The following ZC3H18 variants were observed in gnomAD, a reference collection of about 807,000 sequenced individuals.
ZC3H18 encodes zinc finger CCCH-type containing 18.
Under a neutral mutation model 106.1 loss-of-function variants are expected in ZC3H18, and 8 were observed. That is an observed-to-expected ratio of 0.08 (90% confidence interval 0.04 to 0.14). The LOEUF (loss-of-function observed/expected upper bound fraction) is 0.14. Among genes scored for constraint, ZC3H18 ranks in the 10% least tolerant of loss-of-function variants. The probability of loss-of-function intolerance (pLI) is 1.00; values close to 1 mark genes in which losing one functional copy is unlikely to be tolerated. For missense variants in ZC3H18, 1,318 were observed against 1,278.4 expected, an observed-to-expected ratio of 1.03 and a Z score of -0.47; for synonymous variants, 635 against 522.1, an observed-to-expected ratio of 1.22 and a Z score of -2.95.
intron 2 of ZC3H18, among the ~76,000 whole-genome samples, chr16:88,580,774 C>T (rs983778227): frequency 1.3e-5 from 2 of 152,182 alleles, no homozygotes; most frequent in Non-Finnish European, 2.9e-5. Flanking sequence ...CGCCCGGTCC[C>T]CTTTCCTTTC....
chr16:88,599,743 C>A, intron 5 of ZC3H18, 48 bp from the exon 6 acceptor site: 1 of 1,569,784 alleles, frequency 6.4e-7, no homozygotes. Context: ...CTAACAGCGA[C>A]GCCCGGTATT....
chr16:88,584,465 A>T (rs982470051), intron 2 of ZC3H18, among the ~76,000 whole-genome samples: 1 of 151,954 alleles, frequency 6.6e-6, no homozygotes, highest in Non-Finnish European at 1.5e-5. Context: ...TATTTAAAAG[A>T]CCATTGTGCT....
At chr16:88,594,965 A>AAG in intron 3 of ZC3H18, among the ~76,000 whole-genome samples, 1 of 152,250 alleles carries the variant, frequency 6.6e-6, no homozygotes, top group South Asian at 2.1e-4. Context: ...TAGCCTGACC[A>AAG]ACATGGAGAA....
At chr16:88,625,149 C>A (rs113586175) in intron 12 of ZC3H18, 53 bp from the exon 13 acceptor site, 10 of 1,548,090 alleles carry the variant, frequency 6.5e-6, no homozygotes, top group African/African-American at 4.1e-5. Context: ...GGGGAGGCCG[C>A]GAGGGGCTGT....
chr16:88,627,936 A>C lies in ZC3H18; in HGVS notation c.2286A>C (p.Glu762Asp). ...TRKEKGKSKK[E>D]DGVKEEKRKR... ...CATTGGTAGGAAAATCTAAGAAAGA[A>C]GACGGTGTTAAAGAGGAAAAGCGGA... is the stretch of plus-strand genomic sequence containing the variant. Residue 762 changes from glutamate to aspartate, a missense_variant, in exon 15 of 18, where the codon GAA (glutamate) becomes GAC (aspartate). Physicochemically the swap from Glu to Asp is conservative, Grantham distance 45 (BLOSUM62 2). Transcript: ENST00000301011. The surrounding 1 kb of genome is among the most constrained non-coding windows in gnomAD (Gnocchi z 4.5). 3 of 1,614,094 alleles carry C rather than the reference A, an allele frequency of 1.9e-6. No homozygotes were observed. Among genetic ancestry groups the C allele is most frequent in the Non-Finnish European group, 2.5e-6 (3 of 1,180,038 alleles).
chr16:88,588,173 C>A (rs1260584544), intron 3 of ZC3H18, among the ~76,000 whole-genome samples: 1 of 152,178 alleles, frequency 6.6e-6, no homozygotes. Flanking sequence ...GACCTCTTTT[C>A]CATAATAGTG....
chr16:88,627,710 G>A lies in ZC3H18; in HGVS notation c.2197G>A (p.Ala733Thr). The A allele has an allele frequency of 1.2e-6, 2 of 1,613,736 alleles. No homozygotes were observed. The highest frequency in any genetic ancestry group is 8.5e-7 in the Non-Finnish European group (1 of 1,179,888). ...CAGCGTGGACTCGGAGGACATGTAC[G>A]CAGACCTGGCTAGCCCCGTGTCCTC... ...AHSVDSEDMY[A>T]DLASPVSSAS... The change falls in exon 14 of 18, where the codon GCA (alanine) becomes ACA (threonine). Residue 733 changes from alanine to threonine, a missense_variant. Ala to Thr is a moderately conservative substitution (Grantham distance 58). Coordinates refer to ENST00000301011, the MANE Select transcript of ZC3H18 (RefSeq NM_144604.4). This position sits in a 1 kb window ranked among gnomAD's most constrained non-coding sequence, Gnocchi z 4.5.
chr16:88,630,163 T>A (rs1019907722), intron 16 of ZC3H18: 1 of 300,458 alleles, frequency 3.3e-6, no homozygotes, highest in African/African-American at 2.2e-5. Flanking sequence ...TACTGCCATG[T>A]CTTTCTTGTT....
At chr16:88,605,684 CT>C (rs1246381502) in intron 6 of ZC3H18, among the ~76,000 whole-genome samples, 3 of 152,348 alleles carry the variant, frequency 2.0e-5, no homozygotes, top group South Asian at 2.1e-4. Context: ...CATTTTAGAA[CT>C]TTTTCCTAGT....
intron 1 of ZC3H18, among the ~76,000 whole-genome samples, chr16:88,570,994 T>C (rs953867735): frequency 3.9e-5 from 6 of 152,226 alleles, no homozygotes; most frequent in Non-Finnish European, 8.8e-5. Flanking sequence ...TTGAGCTCTT[T>C]ATGAACCTCC....
chr16:88,608,116 A>C (rs1905096487), intron 6 of ZC3H18, among the ~76,000 whole-genome samples: 1 of 151,908 alleles, frequency 6.6e-6, no homozygotes. Context: ...TGGGTTTTTC[A>C]TGTATAGTAT....
intron 1 of ZC3H18, among the ~76,000 whole-genome samples, chr16:88,576,212 A>G (rs1289717779): frequency 6.8e-6 from 1 of 147,088 alleles, no homozygotes; most frequent in Non-Finnish European, 1.5e-5. Context: ...GAATTTTAGT[A>G]TTTTTTTTTT....
Position 88,577,567 on chromosome 16 carries a change from G to C in ZC3H18, c.444G>C (p.Glu148Asp), listed in dbSNP as rs764782094. The C allele has an allele frequency of 6.2e-7, 1 of 1,613,648 alleles. No homozygotes were observed. The highest frequency in any genetic ancestry group is 8.5e-7 in the Non-Finnish European group (1 of 1,179,880). ...CCGCCGTCCAGGAGGACGAGGCTGA[G>C]AAAGCGGGGGCTGAGGATGATGAGG... Reference protein sequence around the residue: ...PAPAVQEDEAEKAGAEDDEEK... With the variant: ...PAPAVQEDEADKAGAEDDEEK... The change falls in exon 2 of 18, where the codon GAG (glutamate) becomes GAC (aspartate). Residue 148 changes from glutamate to aspartate, a missense_variant. Transcript: ENST00000301011.
intron 6 of ZC3H18, among the ~76,000 whole-genome samples, chr16:88,605,074 G>C (rs1904946305): frequency 6.6e-6 from 1 of 152,252 alleles, no homozygotes; most frequent in African/African-American, 2.4e-5. Context: ...CTTTCCTCAG[G>C]TAACAGGTCT....
At chr16:88,587,450 C>T (rs968738981) in intron 3 of ZC3H18, 2 of 1,103,236 alleles carry the variant, frequency 1.8e-6, no homozygotes, top group African/African-American at 1.6e-5. Flanking sequence ...TCTCTTTTCT[C>T]TTAATTTTGC....
At chr16:88,629,592 C>T (rs1010105981) in intron 16 of ZC3H18, among the ~76,000 whole-genome samples, 4 of 152,178 alleles carry the variant, frequency 2.6e-5, no homozygotes, top group African/African-American at 7.2e-5. Flanking sequence ...ACGGCTGGAC[C>T]CACATGCCTC....
chr16:88,581,688 G>A (rs945805833), intron 2 of ZC3H18, among the ~76,000 whole-genome samples: 7 of 152,194 alleles, frequency 4.6e-5, no homozygotes, highest in Non-Finnish European at 1.0e-4. Context: ...AGAGAGCTGG[G>A]TGCAGCAGGC....
chr16:88,625,104 T>C, intron 12 of ZC3H18, 98 bp from the exon 13 acceptor site: 1 of 1,406,836 alleles, frequency 7.1e-7, no homozygotes, highest in East Asian at 2.5e-5. Flanking sequence ...GCAAGGCCAG[T>C]CTGGAGGCTC....
At position 88,627,678 on chromosome 16, in the gene ZC3H18, C is replaced by G. The variant is rs1906397273; in HGVS notation, c.2165C>G (p.Ser722Cys). ...SVSSATSSSS[S>C]AHSVDSEDMY... is the part of the protein sequence containing the mutation. ...TCCAGTGCTACGTCGAGCAGCAGCTCTGCACACAGCGTGGACTCGGAGGAC... is the reference window on the plus strand; with the variant it reads ...TCCAGTGCTACGTCGAGCAGCAGCTGTGCACACAGCGTGGACTCGGAGGAC... Residue 722 changes from serine to cysteine, a missense_variant, in exon 14 of 18, where the codon TCT becomes TGT. This residue lies in a region of ZC3H18 where 848 missense variants were observed against 821.7 expected (regional missense o/e 1.03). Coordinates refer to ENST00000301011, the MANE Select transcript of ZC3H18 (RefSeq NM_144604.4). This position sits in a 1 kb window ranked among gnomAD's most constrained non-coding sequence, Gnocchi z 4.5. The G allele has an allele frequency of 6.2e-7, 1 of 1,613,704 alleles. No homozygotes were observed. Among genetic ancestry groups the G allele is most frequent in the Non-Finnish European group, 8.5e-7 (1 of 1,179,734 alleles).
Sources: allele counts gnomAD v4.1 joint callset (sites outside exome capture counted in the v4.1 genomes callset), GRCh38; gene constraint gnomAD v4.1.1; regional missense constraint gnomAD v4.1.1; non-coding constraint Gnocchi (gnomAD v3.1); transcripts MANE v1.5; gene names NCBI Gene and HGNC (gene_info 2026-07-23, HGNC 2026-07-21).